SETD7: variants seen among roughly 807,000 people sequenced by gnomAD.
The protein encoded by SETD7 is histone-lysine N-methyltransferase SETD7.
A neutral mutation model predicts 41.8 loss-of-function variants in SETD7; 16 were observed. The ratio of observed to expected loss-of-function variants is 0.38; its 90% CI spans 0.26 to 0.58. The LOEUF (loss-of-function observed/expected upper bound fraction) is 0.58, where lower values mean the gene tolerates loss of function less well. SETD7 is among the 20% of genes least tolerant of loss of function. SETD7 has a pLI of 0.64. For synonymous variants in SETD7, 163 were observed against 169.7 expected, an observed-to-expected ratio of 0.96 and a Z score of 0.31; for missense variants, 346 against 459.7, an observed-to-expected ratio of 0.75 and a Z score of 2.26.
At position 139,511,744 on chromosome 4, in the gene SETD7, G is replaced by C. The variant is rs769179561; in HGVS notation, c.1020C>G (p.Ser340Arg). 6.2e-7 allele frequency: 1 copy of C among 1,614,154 alleles called. No homozygotes were observed. ...ELTVAYGYDH[S>R]PPGKSGPEAP... ...CTTCAGGCCCACTCTTCCCGGGGGG[G>C]CTGTGGTCATAGCCATAGGCAACGG... The change falls in exon 8 of 8, where the codon AGC (serine) becomes AGG (arginine). Residue 340 changes from serine to arginine, a missense_variant. Around this residue, in one of 3 missense-constraint regions of SETD7, gnomAD observed 75 missense variants for 65.5 expected, o/e 1.14. Transcript: ENST00000274031.
chr4:139,524,179 A>G (rs1727257324), intron 4 of SETD7, among the ~76,000 whole-genome samples: 1 of 152,186 alleles, frequency 6.6e-6, no homozygotes, highest in African/African-American at 2.4e-5. Flanking sequence ...CCATTAAGCA[A>G]TTCTTCAGTA....
chr4:139,493,205 G>A (rs1385219808), downstream of SETD7, among the ~76,000 whole-genome samples: 1 of 152,234 alleles, frequency 6.6e-6, no homozygotes, highest in African/African-American at 2.4e-5. Context: ...CAGATAAGTT[G>A]AGGAGGCCTT....
Position 139,555,708 on chromosome 4 carries a change from T to C in SETD7, c.40+390A>G, listed in dbSNP as rs867293816. ...GGGTGGCCAAAACTGGGCTAGGGGA[T>C]TGCTCCGCGGAGTCCGCCGGCCTCA... is the stretch of plus-strand genomic sequence containing the variant. On this transcript the variant is annotated intron_variant, in intron 1 of 7. Coordinates refer to ENST00000274031, the MANE Select transcript of SETD7 (RefSeq NM_030648.4). This position sits in a 1 kb window ranked among gnomAD's most constrained non-coding sequence, Gnocchi z 4.0. Among the ~76,000 whole-genome samples the C allele has an allele frequency of 6.6e-6, 1 of 151,938 alleles. No individual in the cohort carries two copies. Among genetic ancestry groups the C allele is most frequent in the Middle Eastern group, 3.4e-3 (1 of 290 alleles).
rs146119443 is a variant in SETD7 at position 139,546,474 on chromosome 4, G to A, written c.170+446C>T. The A allele has an allele frequency of 4.4e-4, 105 of 239,792 alleles. 1 individual carries two copies. Among genetic ancestry groups the A allele is most frequent in the African/African-American group, 2.2e-3 (94 of 42,786 alleles). The allele number at this position is 239,792 out of a possible 1,614,324, so 14.9% of individuals were successfully genotyped here. A position where few individuals can be genotyped will look rare whatever the true frequency, so the allele number is the denominator to read the frequency against. ...GCCAGATTGTGACATCTGGGAGAGT[G>A]TGCTGAACGCAATAGAGTGTGTGTG... On this transcript the variant is annotated intron_variant, in intron 2 of 7. Transcript: ENST00000274031.
At chr4:139,537,444 C>A (rs1306384821) in intron 2 of SETD7, among the ~76,000 whole-genome samples, 1 of 152,086 alleles carries the variant, frequency 6.6e-6, no homozygotes, top group East Asian at 1.9e-4. Context: ...CTGTGTTAAA[C>A]AGAGCCTACT....
chr4:139,551,107 C>A (rs1728097381), intron 1 of SETD7, among the ~76,000 whole-genome samples: 1 of 152,234 alleles, frequency 6.6e-6, no homozygotes, highest in Admixed American at 6.5e-5. Flanking sequence ...CACACAGAAC[C>A]ACCAGGTTTC....
intron 2 of SETD7, among the ~76,000 whole-genome samples, chr4:139,545,559 G>A (rs1020774991): frequency 6.6e-6 from 1 of 152,148 alleles, no homozygotes; most frequent in African/African-American, 2.4e-5. Context: ...TGGGGTTGGG[G>A]GCAACGGGGA....
chr4:139,533,761 G>A (rs1312156348), intron 2 of SETD7, among the ~76,000 whole-genome samples: 1 of 152,196 alleles, frequency 6.6e-6, no homozygotes, highest in Non-Finnish European at 1.5e-5. Context: ...TTCACTGGTA[G>A]TTCTCAAGGG....
chr4:139,533,961 A>C (rs1358980778), intron 2 of SETD7, among the ~76,000 whole-genome samples: 1 of 147,674 alleles, frequency 6.8e-6, no homozygotes, highest in Non-Finnish European at 1.5e-5. Context: ...GTATATCTAT[A>C]TATCTATGTA....
At chr4:139,544,780 C>T (rs1010028908) in intron 2 of SETD7, among the ~76,000 whole-genome samples, 3 of 143,572 alleles carry the variant, frequency 2.1e-5, no homozygotes, top group Non-Finnish European at 4.5e-5. Flanking sequence ...CTATCATCAT[C>T]AAACTACCAG....
intron 7 of SETD7, among the ~76,000 whole-genome samples, chr4:139,500,346 T>C (rs1726545530): frequency 6.6e-6 from 1 of 152,204 alleles, no homozygotes; most frequent in African/African-American, 2.4e-5. Flanking sequence ...CTCCAGCCTA[T>C]TCTCAGTACA....
intron 7 of SETD7, among the ~76,000 whole-genome samples, chr4:139,514,059 G>A (rs555774558): frequency 6.6e-6 from 1 of 152,334 alleles, no homozygotes; most frequent in South Asian, 2.1e-4. Context: ...GAGGCGGATA[G>A]ATCACCTGAG....
At chr4:139,544,418 TG>T (rs1727876418) in intron 2 of SETD7, among the ~76,000 whole-genome samples, 1 of 152,220 alleles carries the variant, frequency 6.6e-6, no homozygotes, top group African/African-American at 2.4e-5. Context: ...GGGCTAGTGC[TG>T]CCACTTGGCC....
chr4:139,543,668 A>C (rs1000367127), intron 2 of SETD7, among the ~76,000 whole-genome samples: 2 of 152,046 alleles, frequency 1.3e-5, no homozygotes, highest in Admixed American at 6.6e-5. Context: ...AAATTAGTGA[A>C]TTGGGTGGGC....
At position 139,509,617 on chromosome 4, in the gene SETD7, C is replaced by T. The variant is rs754918356; in HGVS notation, c.*2046G>A. ...TATTCCCTGACCTGGCTGCACAACC[C>T]ACTTGATCGAGGTTAATGCAAGCCA... On this transcript the variant is annotated 3_prime_UTR_variant, in exon 8 of 8. Transcript: ENST00000274031. The T allele has an allele frequency of 2.2e-4, 183 of 813,462 alleles. No homozygotes were observed. Among genetic ancestry groups the T allele is most frequent in the Admixed American group, 1.3e-3 (21 of 16,054 alleles). 50.4% of individuals were successfully genotyped at this position (813,462 alleles called of 1,614,324 possible).
chr4:139,549,710 T>A (rs973174687), intron 1 of SETD7, among the ~76,000 whole-genome samples: 6 of 152,080 alleles, frequency 3.9e-5, no homozygotes, highest in Admixed American at 2.0e-4. Flanking sequence ...GCTCAAGTGA[T>A]CCTTCTGCCT....
downstream of SETD7, among the ~76,000 whole-genome samples, chr4:139,493,267 A>G (rs1726385090): frequency 6.6e-6 from 1 of 152,226 alleles, no homozygotes; most frequent in African/African-American, 2.4e-5. Flanking sequence ...GTGTGAGTCA[A>G]GGGCTGAAGG....
downstream of SETD7, among the ~76,000 whole-genome samples, chr4:139,501,352 T>C (rs1432768984): frequency 6.6e-6 from 1 of 151,442 alleles, no homozygotes; most frequent in African/African-American, 2.4e-5. Flanking sequence ...AAACCCGTTA[T>C]GTTTTCACTT....
chr4:139,515,087 A>G lies in SETD7; in HGVS notation c.920+2798T>C, dbSNP rs548859133. On this transcript the variant is annotated intron_variant, in intron 7 of 7. Coordinates refer to ENST00000274031, the MANE Select transcript of SETD7 (RefSeq NM_030648.4). ...AGGCTGAGGCAGGATAACCACTTGAACCTGGGAGGTGGAGGTTACAGTGAG... is the reference window on the plus strand; with the variant it reads ...AGGCTGAGGCAGGATAACCACTTGAGCCTGGGAGGTGGAGGTTACAGTGAG... 6.1e-5 allele frequency among the ~76,000 whole-genome samples: 9 copies of G among 147,884 alleles called. 1 individual carries two copies. The South Asian group carries it at 1.5e-3, about 25-fold the overall frequency.
Sources: allele counts gnomAD v4.1 joint callset (sites outside exome capture counted in the v4.1 genomes callset), GRCh38; gene constraint gnomAD v4.1.1; regional missense constraint gnomAD v4.1.1; non-coding constraint Gnocchi (gnomAD v3.1); transcripts MANE v1.5; gene names NCBI Gene and HGNC (gene_info 2026-07-23, HGNC 2026-07-21).